Variants in INPP4B observed in about 807,000 individuals in gnomAD.
The protein encoded by INPP4B is inositol polyphosphate-4-phosphatase type II B, also known as inositol polyphosphate 4-phosphatase type II.
A neutral mutation model predicts 122.5 loss-of-function variants in INPP4B; 55 were observed. The observed-to-expected ratio is 0.45, with a 90% CI of 0.36 to 0.56. INPP4B has a LOEUF of 0.56. INPP4B is among the 20% of genes least tolerant of loss of function. INPP4B has a pLI of 0.00. For missense variants in INPP4B, 1,000 were observed against 1,097.7 expected (o/e 0.91, Z 1.26); for synonymous variants, 403 against 388.7 (o/e 1.04, Z -0.43).
intron 3 of INPP4B, among the ~76,000 whole-genome samples, chr4:142,452,929 C>A (rs1305064925): frequency 6.6e-6 from 1 of 151,950 alleles, no homozygotes; most frequent in Non-Finnish European, 1.5e-5. Context: ...AAATGGAACA[C>A]GAGCATTATA....
intron 2 of INPP4B, among the ~76,000 whole-genome samples, chr4:142,599,738 AT>A (rs1344291709): frequency 2.0e-5 from 3 of 152,100 alleles, no homozygotes; most frequent in Admixed American, 2.0e-4. Flanking sequence ...ATACAAAAAA[AT>A]CTCAGTAAGA....
intron 18 of INPP4B, among the ~76,000 whole-genome samples, chr4:142,129,045 A>G (rs1799998551): frequency 6.6e-6 from 1 of 152,224 alleles, no homozygotes; most frequent in Non-Finnish European, 1.5e-5. Context: ...AGAAAAAAGG[A>G]AAAGTAAAAA....
chr4:142,259,717 C>T (rs978412990), intron 11 of INPP4B, among the ~76,000 whole-genome samples: 2 of 151,896 alleles, frequency 1.3e-5, no homozygotes, highest in Admixed American at 1.3e-4. Context: ...CATTGTACAG[C>T]TATACAAAAG....
At chr4:142,038,754 T>C (rs1745501254) in intron 25 of INPP4B, among the ~76,000 whole-genome samples, 1 of 152,174 alleles carries the variant, frequency 6.6e-6, no homozygotes, top group Non-Finnish European at 1.5e-5. Context: ...AAATGCTATG[T>C]AGTGTAAGGC....
intron 2 of INPP4B, among the ~76,000 whole-genome samples, chr4:142,483,639 G>A (rs1229546758): frequency 6.6e-6 from 1 of 151,994 alleles, no homozygotes; most frequent in Non-Finnish European, 1.5e-5. Context: ...TATGATTAGA[G>A]GAAGCTGGGA....
intron 7 of INPP4B, among the ~76,000 whole-genome samples, chr4:142,354,224 G>A (rs1782855448): frequency 6.6e-6 from 1 of 151,886 alleles, no homozygotes; most frequent in African/African-American, 2.4e-5. Context: ...CCTTCTCAGA[G>A]CCTTGGGACA....
At chr4:142,770,222 G>A (rs1561049616) in intron 1 of INPP4B, among the ~76,000 whole-genome samples, 1 of 152,142 alleles carries the variant, frequency 6.6e-6, no homozygotes, top group East Asian at 1.9e-4. Flanking sequence ...ACAAGAGTTT[G>A]CCAAAGAACC....
At chr4:142,834,016 C>G (rs1341764827) in intron 1 of INPP4B, among the ~76,000 whole-genome samples, 3 of 152,014 alleles carry the variant, frequency 2.0e-5, no homozygotes, top group Non-Finnish European at 4.4e-5. Context: ...ACCTAAAGCA[C>G]CTCAGATTTT....
At chr4:142,438,341 T>C (rs570936737) in intron 3 of INPP4B, among the ~76,000 whole-genome samples, 1 of 152,288 alleles carries the variant, frequency 6.6e-6, no homozygotes, top group African/African-American at 2.4e-5. Flanking sequence ...ATGGTACTGT[T>C]ACCAAAACCA....
chr4:142,150,467 G>A (rs1047538278), intron 17 of INPP4B, among the ~76,000 whole-genome samples: 6 of 152,178 alleles, frequency 3.9e-5, no homozygotes, highest in Non-Finnish European at 1.5e-5. Context: ...GGAATCGGCA[G>A]GTTAAAGTCT....
At chr4:142,399,236 C>T (rs1800821221) in intron 7 of INPP4B, among the ~76,000 whole-genome samples, 1 of 112,412 alleles carries the variant, frequency 8.9e-6, no homozygotes, top group African/African-American at 3.3e-5. Flanking sequence ...CTCGCTCTGT[C>T]ACCAGGCTGG....
At chr4:142,163,306 T>C (rs1310823085) in intron 16 of INPP4B, among the ~76,000 whole-genome samples, 1 of 151,912 alleles carries the variant, frequency 6.6e-6, no homozygotes, top group African/African-American at 2.4e-5. Context: ...CTGCCTCAGA[T>C]TGTCTGGGAT....
intron 7 of INPP4B, among the ~76,000 whole-genome samples, chr4:142,402,027 G>A (rs891395280): frequency 7.2e-5 from 11 of 152,182 alleles, no homozygotes; most frequent in African/African-American, 9.7e-5. Context: ...CAGAAATGCC[G>A]AAGTGAGGGC....
intron 3 of INPP4B, among the ~76,000 whole-genome samples, chr4:142,445,540 AAAAATTTCATAACAG>A (rs1812725899): frequency 6.6e-6 from 1 of 152,204 alleles, no homozygotes. Flanking sequence ...GAATGTACCT[AAAAATTTCATAACAG>A]ATGAAGCAAA....
At chr4:142,785,719 C>T (rs987047633) in intron 1 of INPP4B, among the ~76,000 whole-genome samples, 5 of 151,484 alleles carry the variant, frequency 3.3e-5, no homozygotes, top group African/African-American at 7.3e-5. Flanking sequence ...TACTAGAAAA[C>T]GAAGAAAAAG....
intron 1 of INPP4B, among the ~76,000 whole-genome samples, chr4:142,822,970 T>C (rs1780977185): frequency 6.6e-6 from 1 of 152,182 alleles, no homozygotes; most frequent in East Asian, 1.9e-4. Flanking sequence ...TATCCTACTC[T>C]TGGATCTGGG....
intron 9 of INPP4B, among the ~76,000 whole-genome samples, chr4:142,276,247 A>C (rs942292166): frequency 2.0e-5 from 3 of 151,812 alleles, no homozygotes; most frequent in African/African-American, 7.3e-5. Context: ...TCAAGTTTTC[A>C]TCTTAAAGCT....
At position 142,741,663 on chromosome 4, in the gene INPP4B, A is replaced by T. The variant is rs137895710; in HGVS notation, c.-253-15762T>A. 2.5e-3 allele frequency among the ~76,000 whole-genome samples: 376 copies of T among 152,168 alleles called. 5 individuals carry two copies. Among genetic ancestry groups the T allele is most frequent in the East Asian group, 0.018 (95 of 5,180 alleles). On this transcript the variant is annotated intron_variant, in intron 1 of 25. Coordinates refer to ENST00000262992, the MANE Select transcript of INPP4B (RefSeq NM_001101669.3). ...TATAATCGCATAGATGCATTGAAGAAAATTAGGTACAACTTCAGAGAGGGA... is the reference window on the plus strand; with the variant it reads ...TATAATCGCATAGATGCATTGAAGATAATTAGGTACAACTTCAGAGAGGGA...
intron 1 of INPP4B, among the ~76,000 whole-genome samples, chr4:142,802,288 C>G (rs2151092821): frequency 6.6e-6 from 1 of 152,238 alleles, no homozygotes; most frequent in East Asian, 1.9e-4. Flanking sequence ...GGCATTTGAC[C>G]TATTCATATC....
Sources: allele counts gnomAD v4.1 joint callset (sites outside exome capture counted in the v4.1 genomes callset), GRCh38; gene constraint gnomAD v4.1.1; transcripts MANE v1.5; gene names NCBI Gene and HGNC (gene_info 2026-07-23, HGNC 2026-07-21).